The following NIPA1 variants were observed in gnomAD, a reference collection of about 807,000 sequenced individuals.
The protein encoded by NIPA1 is NIPA magnesium transporter 1.
NIPA1 carries 13 observed loss-of-function variants against 23.9 expected under a neutral mutation model. The observed-to-expected ratio is 0.54, with a 90% CI of 0.35 to 0.87. The LOEUF (loss-of-function observed/expected upper bound fraction) is 0.87, where lower values mean the gene tolerates loss of function less well. NIPA1 is among the 40% of genes least tolerant of loss of function. The pLI is 0.01. For synonymous variants in NIPA1, 234 were observed against 202.9 expected (o/e 1.15, Z -1.30); for missense variants, 362 against 429.7 (o/e 0.84, Z 1.39).
chr15:22,817,899 A>C (rs1311363560), intron 3 of NIPA1, among the ~76,000 whole-genome samples: 1 of 152,026 alleles, frequency 6.6e-6, no homozygotes, highest in East Asian at 1.9e-4. Flanking sequence ...TAGCACCAAA[A>C]TGATGAAATA....
At position 22,826,577 on chromosome 15, in the gene NIPA1, G is replaced by A. The variant is rs1294014932; in HGVS notation, c.*2338G>A. On this transcript the variant is annotated 3_prime_UTR_variant, in exon 5 of 5. Transcript: ENST00000337435. ...ATGTTTGTGTTGCTACAGCTTTTGT[G>A]GGAAATTTAGTTTAAAGGCAGCTCT... 5.9e-5 allele frequency: 9 copies of A among 152,094 alleles called. No homozygotes were observed. Among genetic ancestry groups the A allele is most frequent in the African/African-American group, 2.2e-4 (9 of 41,410 alleles). The allele number at this position is 152,094 out of a possible 1,614,324, so 9.4% of individuals were successfully genotyped here. A position where few individuals can be genotyped will look rare whatever the true frequency, so the allele number is the denominator to read the frequency against.
At chr15:22,796,655 T>G (rs544227007) in intron 1 of NIPA1, among the ~76,000 whole-genome samples, 99 of 152,254 alleles carry the variant, frequency 6.5e-4, no homozygotes, top group Non-Finnish European at 1.1e-3. Context: ...CTTTTTTGTT[T>G]TAACCATGAG....
chr15:22,807,737 T>C (rs1895237435), intron 1 of NIPA1, among the ~76,000 whole-genome samples: 1 of 150,776 alleles, frequency 6.6e-6, no homozygotes, highest in Non-Finnish European at 1.5e-5. Flanking sequence ...AAAGGAGATA[T>C]TTTCTGTATG....
In NIPA1 at chr15:22,786,776, G is replaced by A; in HGVS notation, c.120G>A (p.Leu40=). ...TGGGCGTGGCCGTCGTGTCGAGCCTGGTGAACGGGTCCACGTTCGTGCTAC... is the reference window on the plus strand; with the variant it reads ...TGGGCGTGGCCGTCGTGTCGAGCCTAGTGAACGGGTCCACGTTCGTGCTAC... ...LGLGVAVVSS[L]VNGSTFVLQK... The change falls in exon 1 of 5, where the codon CTG becomes CTA. Residue 40 remains leucine, a synonymous_variant. Coordinates refer to ENST00000337435, the MANE Select transcript of NIPA1 (RefSeq NM_144599.5). 7.6e-6 allele frequency: 10 copies of A among 1,323,030 alleles called. No individual in the cohort carries two copies. The highest frequency in any genetic ancestry group is 9.8e-6 in the Non-Finnish European group (10 of 1,015,482). The allele number at this position is 1,323,030 out of a possible 1,614,324, so 82.0% of individuals were successfully genotyped here. A position where few individuals can be genotyped will look rare whatever the true frequency, so the allele number is the denominator to read the frequency against.
intron 3 of NIPA1, chr15:22,814,066 C>T (rs1895368251): frequency 8.0e-7 from 1 of 1,250,576 alleles, no homozygotes; most frequent in South Asian, 1.2e-5. Context: ...GAAATGTTCA[C>T]TGCTCCACAT....
At chr15:22,819,933 C>G (rs1221845127) in intron 3 of NIPA1, among the ~76,000 whole-genome samples, 1 of 152,170 alleles carries the variant, frequency 6.6e-6, no homozygotes, top group Non-Finnish European at 1.5e-5. Flanking sequence ...GTGGCTCACA[C>G]CTATAATTCC....
At chr15:22,793,357 C>CAA (rs1163603849) in intron 1 of NIPA1, among the ~76,000 whole-genome samples, 4,813 of 72,902 alleles carry the variant, frequency 0.066, 529 homozygotes, top group African/African-American at 0.18. Flanking sequence ...GACTGTGTCT[C>CAA]AAAAAAAAAA....
At chr15:22,788,858 G>A (rs1299320670) in intron 1 of NIPA1, among the ~76,000 whole-genome samples, 8 of 127,124 alleles carry the variant, frequency 6.3e-5, no homozygotes, top group Admixed American at 9.5e-5. Context: ...GGGGGAGGTT[G>A]CAGTGAGCCA....
chr15:22,826,239 A>G lies in NIPA1; in HGVS notation c.*2000A>G, dbSNP rs1280945662. ...GTGTACATGATGATCATGGGTTGTC[A>G]GTGATTTGTGAACTGAGAGCAGCAA... On this transcript the variant is annotated 3_prime_UTR_variant, in exon 5 of 5. Transcript: ENST00000337435. The G allele has an allele frequency of 1.3e-5, 2 of 152,090 alleles. No homozygotes were observed. The highest frequency in any genetic ancestry group is 6.6e-5 in the Admixed American group (1 of 15,242). 9.4% of individuals were successfully genotyped at this position (152,090 alleles called of 1,614,324 possible).
intron 4 of NIPA1, among the ~76,000 whole-genome samples, chr15:22,821,625 A>G (rs1464446127): frequency 2.0e-5 from 3 of 149,802 alleles, no homozygotes; most frequent in African/African-American, 2.5e-5. Flanking sequence ...TTGCATGTCC[A>G]CACCCTGGTT....
At chr15:22,788,327 C>T (rs145639737) in intron 1 of NIPA1, among the ~76,000 whole-genome samples, 2,080 of 151,912 alleles carry the variant, frequency 0.014, 49 homozygotes, top group African/African-American at 0.048. Context: ...CGACGAAACC[C>T]CATCTCTACT....
chr15:22,816,085 T>C (rs543892734), intron 3 of NIPA1, among the ~76,000 whole-genome samples: 15 of 151,576 alleles, frequency 9.9e-5, no homozygotes, highest in Non-Finnish European at 1.5e-4. Flanking sequence ...CTGGATGTTA[T>C]AGCCACAGCA....
chr15:22,807,852 C>T (rs28399193), intron 1 of NIPA1, among the ~76,000 whole-genome samples: 7,182 of 150,500 alleles, frequency 0.048, 690 homozygotes, highest in East Asian at 0.44. Flanking sequence ...GGCACAATCT[C>T]GGCTTACTGC....
rs192859420 is a variant in NIPA1 at position 22,827,020 on chromosome 15, G to T, written c.*2781G>T. On this transcript the variant is annotated 3_prime_UTR_variant, in exon 5 of 5. Transcript: ENST00000337435. ...AAAAAGCCCCAAAGTGAGAACTTTG[G>T]GGGAGGGCCTAGAACATGGATAGAT... 1.3e-3 allele frequency: 195 copies of T among 152,012 alleles called. 4 individuals are homozygous for T. Among genetic ancestry groups the T allele is most frequent in the African/African-American group, 4.5e-3 (188 of 41,470 alleles). 9.4% of individuals were successfully genotyped at this position (152,012 alleles called of 1,614,324 possible).
At chr15:22,810,452 A>G (rs1895296104) in intron 1 of NIPA1, among the ~76,000 whole-genome samples, 1 of 152,194 alleles carries the variant, frequency 6.6e-6, no homozygotes, top group Non-Finnish European at 1.5e-5. Context: ...AACTCCATCA[A>G]AGGAATATCT....
chr15:22,810,938 T>TGCCC, intron 2 of NIPA1, 142 bp downstream of exon 2: 1 of 744,452 alleles, frequency 1.3e-6, no homozygotes, highest in South Asian at 1.4e-5. Flanking sequence ...GCCCTAAGCG[T>TGCCC]GCCTTTCAGT....
intron 3 of NIPA1, among the ~76,000 whole-genome samples, chr15:22,812,492 C>G (rs933900069): frequency 1.3e-5 from 2 of 151,930 alleles, no homozygotes; most frequent in African/African-American, 2.4e-5. Context: ...TCTCTACTAA[C>G]AATATGAAAA....
intron 4 of NIPA1, among the ~76,000 whole-genome samples, chr15:22,821,041 G>A (rs1165492478): frequency 2.7e-5 from 4 of 150,668 alleles, no homozygotes; most frequent in African/African-American, 7.3e-5. Flanking sequence ...GCAGTGGCGC[G>A]ATCTCAGCTC....
rs376597076 is a variant in NIPA1 at position 22,812,090 on chromosome 15, G to A, written c.227-73G>A. On this transcript the variant is annotated intron_variant, in intron 2 of 4. Transcript: ENST00000337435. Reference sequence around the variant, plus strand: ...TAGCCCTTTCAGGGCAGAGCCTAGCGTAATTCAACTGTGATCAGTGCTGGA... The same window carrying A: ...TAGCCCTTTCAGGGCAGAGCCTAGCATAATTCAACTGTGATCAGTGCTGGA... 4.0e-5 allele frequency: 45 copies of A among 1,122,040 alleles called. 1 individual carries two copies. In the Admixed American group the frequency reaches 7.7e-4, roughly 19 times the overall value. The allele number at this position is 1,122,040 out of a possible 1,614,324, so 69.5% of individuals were successfully genotyped here.
Sources: allele counts gnomAD v4.1 joint callset (sites outside exome capture counted in the v4.1 genomes callset), GRCh38; gene constraint gnomAD v4.1.1; transcripts MANE v1.5; gene names NCBI Gene and HGNC (gene_info 2026-07-23, HGNC 2026-07-21).